The following CPT1A variants were observed in gnomAD, a reference collection of about 807,000 sequenced individuals.
CPT1A encodes the protein carnitine O-palmitoyltransferase 1, liver isoform.
A neutral mutation model predicts 100.8 loss-of-function variants in CPT1A; 64 were observed. The observed-to-expected ratio is 0.63, with a 90% CI of 0.52 to 0.78. The LOEUF is 0.78. Among genes scored for constraint, CPT1A ranks in the 30% least tolerant of loss-of-function variants. CPT1A has a pLI of 0.00. For missense variants in CPT1A, 802 were observed against 1,034.1 expected, an observed-to-expected ratio of 0.78 and a Z score of 3.08; for synonymous variants, 363 against 396.0, an observed-to-expected ratio of 0.92 and a Z score of 0.99.
intron 14 of CPT1A, 113 bp downstream of exon 14, chr11:68,773,152 T>C: frequency 6.4e-7 from 1 of 1,554,724 alleles, no homozygotes; most frequent in Non-Finnish European, 8.7e-7. Context: ...GGGGGAGCTG[T>C]GCTTCTCCTA....
chr11:68,830,788 G>A (rs951433536), intron 1 of CPT1A, among the ~76,000 whole-genome samples: 1 of 151,988 alleles, frequency 6.6e-6, no homozygotes, highest in African/African-American at 2.4e-5. Flanking sequence ...AGCACTTTAG[G>A]GGGCAGCCCA....
chr11:68,809,939 A>T (rs1856153361), intron 3 of CPT1A, among the ~76,000 whole-genome samples: 1 of 152,224 alleles, frequency 6.6e-6, no homozygotes, highest in Admixed American at 6.5e-5. Context: ...GCACTTTGGG[A>T]GGACAAGGCG....
intron 12 of CPT1A, among the ~76,000 whole-genome samples, chr11:68,779,656 C>A (rs1044926880): frequency 1.3e-5 from 2 of 151,846 alleles, no homozygotes; most frequent in Admixed American, 1.3e-4. Context: ...ATTAGCTGGG[C>A]ATGGTGGCAC....
chr11:68,796,903 G>A lies in CPT1A; in HGVS notation c.724C>T (p.Leu242Phe). ...ACCATGAGCGGCCCTCGTCCTCGGA[G>A]GTAGATGTACTCCTCCCACCAGTCG... ...VSDWWEEYIY[L>F]RGRGPLMVNS... The change falls in exon 7 of 19, where the codon CTC (leucine) becomes TTC (phenylalanine). Residue 242 changes from leucine (L) to phenylalanine (F), a missense_variant. This residue lies in a region of CPT1A where 627 missense variants were observed against 799.3 expected (regional missense o/e 0.78). Transcript: ENST00000265641. 1 of 1,614,100 alleles carries A rather than the reference G, an allele frequency of 6.2e-7. No individual in the cohort carries two copies. Among genetic ancestry groups the A allele is most frequent in the Non-Finnish European group, 8.5e-7 (1 of 1,180,012 alleles).
At chr11:68,768,066 CTTT>C (rs71043448) in intron 14 of CPT1A, among the ~76,000 whole-genome samples, 122 of 71,220 alleles carry the variant, frequency 1.7e-3, no homozygotes, top group East Asian at 0.013. Context: ...AGTTTCCAGT[CTTT>C]TTTTTTTTTT....
chr11:68,763,607 G>T (rs1566341850), intron 14 of CPT1A, among the ~76,000 whole-genome samples: 1 of 152,166 alleles, frequency 6.6e-6, no homozygotes, highest in Non-Finnish European at 1.5e-5. Context: ...TGGGCTGGCA[G>T]ATGCACAGGG....
chr11:68,755,840 A>G lies in CPT1A; in HGVS notation c.*1804T>C, dbSNP rs1946683323. ...CATAAAACATGCATGTGGGCCGCGC[A>G]TGGTGGCTCATGCCTGTAATCCCAG... On this transcript the variant is annotated 3_prime_UTR_variant, in exon 19 of 19. Transcript: ENST00000265641. The G allele has an allele frequency of 6.7e-6, 1 of 148,696 alleles. No homozygotes were observed. 9.2% of individuals were successfully genotyped at this position (148,696 alleles called of 1,614,324 possible).
intron 1 of CPT1A, among the ~76,000 whole-genome samples, chr11:68,837,465 T>C (rs1456333895): frequency 6.6e-6 from 1 of 152,092 alleles, no homozygotes; most frequent in Non-Finnish European, 1.5e-5. Context: ...GAAGCAGACA[T>C]CACTGCAGAG....
Position 68,772,301 on chromosome 11 carries a change from C to T in CPT1A, c.1740+964G>A, listed in dbSNP as rs866125166. On this transcript the variant is annotated intron_variant, in intron 14 of 18. Coordinates refer to ENST00000265641, the MANE Select transcript of CPT1A (RefSeq NM_001876.4). ...CCGGGAGGTGGAGGTTGCAGTGAGCCGAGATCATGCCATTACACTCCAGCC... is the reference window on the plus strand; with the variant it reads ...CCGGGAGGTGGAGGTTGCAGTGAGCTGAGATCATGCCATTACACTCCAGCC... 2.6e-5 allele frequency among the ~76,000 whole-genome samples: 4 copies of T among 151,898 alleles called. No individual in the cohort carries two copies. In the South Asian group the frequency reaches 6.2e-4, roughly 24 times the overall value.
chr11:68,767,275 T>C (rs1203771049), intron 14 of CPT1A, among the ~76,000 whole-genome samples: 1 of 152,238 alleles, frequency 6.6e-6, no homozygotes, highest in Non-Finnish European at 1.5e-5. Context: ...CACAAACTGT[T>C]TTATGACTAA....
chr11:68,829,373 G>A (rs747626993), intron 1 of CPT1A, among the ~76,000 whole-genome samples: 1 of 152,124 alleles, frequency 6.6e-6, no homozygotes, highest in Non-Finnish European at 1.5e-5. Context: ...CCATGCCCAG[G>A]TATCGGAGAC....
intron 16 of CPT1A, among the ~76,000 whole-genome samples, chr11:68,760,735 A>G (rs1343040229): frequency 1.3e-5 from 2 of 152,226 alleles, no homozygotes; most frequent in Non-Finnish European, 2.9e-5. Flanking sequence ...TAAATTTGCC[A>G]GGCGCAATGG....
At chr11:68,827,442 C>T (rs1293989411) in intron 1 of CPT1A, among the ~76,000 whole-genome samples, 1 of 152,158 alleles carries the variant, frequency 6.6e-6, no homozygotes, top group Non-Finnish European at 1.5e-5. Context: ...CACAGGCAAG[C>T]AGAGAATAAC....
At chr11:68,811,140 T>C (rs963000098) in intron 3 of CPT1A, among the ~76,000 whole-genome samples, 1 of 152,222 alleles carries the variant, frequency 6.6e-6, no homozygotes, top group Non-Finnish European at 1.5e-5. Context: ...CTTCGTTTTT[T>C]AGCTTAGCCC....
At chr11:68,829,078 G>A (rs1856816582) in intron 1 of CPT1A, among the ~76,000 whole-genome samples, 1 of 152,092 alleles carries the variant, frequency 6.6e-6, no homozygotes, top group Non-Finnish European at 1.5e-5. Flanking sequence ...CCACGTGCCC[G>A]CATCCTCCCC....
intron 1 of CPT1A, chr11:68,839,698 T>C (rs1594384858): frequency 1.0e-5 from 10 of 985,500 alleles, no homozygotes; most frequent in Non-Finnish European, 1.2e-5. Context: ...AGGGGCTCAC[T>C]GTGAAGCCTC....
upstream of CPT1A, chr11:68,842,054 T>C (rs1857173720): frequency 4.0e-6 from 3 of 749,680 alleles, no homozygotes; most frequent in Non-Finnish European, 4.9e-6. Flanking sequence ...GGTGCTCGCG[T>C]CCTCGACCTC....
At chr11:68,795,130 T>G (rs1855723218) in intron 7 of CPT1A, among the ~76,000 whole-genome samples, 1 of 152,248 alleles carries the variant, frequency 6.6e-6, no homozygotes, top group Non-Finnish European at 1.5e-5. Context: ...CTAAAACTTC[T>G]GCGCTATTAA....
At chr11:68,767,850 T>C (rs934155703) in intron 14 of CPT1A, among the ~76,000 whole-genome samples, 26 of 152,068 alleles carry the variant, frequency 1.7e-4, no homozygotes, top group African/African-American at 6.0e-4. Context: ...ACGATTCCCC[T>C]ACCGCCCCTT....
Sources: allele counts gnomAD v4.1 joint callset (sites outside exome capture counted in the v4.1 genomes callset), GRCh38; gene constraint gnomAD v4.1.1; regional missense constraint gnomAD v4.1.1; transcripts MANE v1.5; gene names NCBI Gene and HGNC (gene_info 2026-07-23, HGNC 2026-07-21).